The following LAMA2 variants were observed in gnomAD, a reference collection of about 807,000 sequenced individuals.
The protein encoded by LAMA2 is laminin subunit alpha 2, also known as laminin subunit alpha-2.
Under a neutral mutation model 364.8 loss-of-function variants are expected in LAMA2, and 269 were observed. That is an observed-to-expected ratio of 0.74 (90% CI 0.67 to 0.82). LAMA2 has a LOEUF of 0.82. LAMA2 is among the 40% of genes least tolerant of loss of function. The pLI is 0.00. For synonymous variants in LAMA2, 1,379 were observed against 1,370.6 expected (o/e 1.01, Z -0.14); for missense variants, 3,807 against 3,873.2 (o/e 0.98, Z 0.45).
chr6:129,136,760 A>G (rs1253201725), intron 4 of LAMA2, among the ~76,000 whole-genome samples: 1 of 152,230 alleles, frequency 6.6e-6, no homozygotes, highest in East Asian at 1.9e-4. Flanking sequence ...CAGGAATGAC[A>G]AGTGCAAGGA....
At chr6:129,136,056 G>A (rs974880309) in intron 4 of LAMA2, among the ~76,000 whole-genome samples, 1 of 151,988 alleles carries the variant, frequency 6.6e-6, no homozygotes. Flanking sequence ...AGGGAAGGGG[G>A]AAATTTGCAT....
chr6:129,381,980 A>T (rs1778716782), intron 34 of LAMA2, among the ~76,000 whole-genome samples: 1 of 152,216 alleles, frequency 6.6e-6, no homozygotes, highest in African/African-American at 2.4e-5. Context: ...AAAATGCAGT[A>T]CAATTCCTCT....
chr6:129,149,648 C>G (rs1778678013), intron 7 of LAMA2, among the ~76,000 whole-genome samples: 1 of 152,076 alleles, frequency 6.6e-6, no homozygotes, highest in Non-Finnish European at 1.5e-5. Context: ...CATAACACAC[C>G]TTAATCACAA....
chr6:129,305,469 C>T (rs547421462), intron 22 of LAMA2, among the ~76,000 whole-genome samples: 5 of 151,996 alleles, frequency 3.3e-5, no homozygotes, highest in East Asian at 1.9e-4. Flanking sequence ...GGACTACAGG[C>T]GCATGCCACC....
At chr6:129,072,760 C>A (rs1421399999) in intron 3 of LAMA2, among the ~76,000 whole-genome samples, 1 of 151,960 alleles carries the variant, frequency 6.6e-6, no homozygotes, top group African/African-American at 2.4e-5. Flanking sequence ...AATATGGTAA[C>A]TTGCGTCCTT....
chr6:129,069,126 A>G (rs764629624), intron 3 of LAMA2, among the ~76,000 whole-genome samples: 17 of 152,030 alleles, frequency 1.1e-4, no homozygotes, highest in Non-Finnish European at 1.9e-4. Flanking sequence ...AAAAAGAACA[A>G]TAATACATAG....
intron 1 of LAMA2, among the ~76,000 whole-genome samples, chr6:128,997,929 G>A (rs1019201540): frequency 2.6e-5 from 4 of 152,172 alleles, no homozygotes; most frequent in Non-Finnish European, 4.4e-5. Context: ...GTGATTTTAA[G>A]GATGGATCAT....
At chr6:128,916,934 G>A (rs1778354408) in intron 1 of LAMA2, among the ~76,000 whole-genome samples, 1 of 152,198 alleles carries the variant, frequency 6.6e-6, no homozygotes, top group Admixed American at 6.5e-5. Context: ...GTTTGGTGAA[G>A]TGGAAACTTT....
chr6:129,082,567 A>G (rs1774131963), intron 3 of LAMA2, among the ~76,000 whole-genome samples: 1 of 152,132 alleles, frequency 6.6e-6, no homozygotes, highest in Non-Finnish European at 1.5e-5. Flanking sequence ...CACATAAAGT[A>G]TATTATATTC....
At chr6:129,146,167 GT>G (rs1338123644) in intron 5 of LAMA2, among the ~76,000 whole-genome samples, 7 of 151,292 alleles carry the variant, frequency 4.6e-5, no homozygotes, top group African/African-American at 1.7e-4. Flanking sequence ...TGTTTTTTTT[GT>G]GTGTGTGTAT....
chr6:129,339,077 T>A (rs2451679), intron 29 of LAMA2, among the ~76,000 whole-genome samples: 1 of 148,640 alleles, frequency 6.7e-6, no homozygotes, highest in Non-Finnish European at 1.5e-5. Context: ...CAAGAGAAGG[T>A]CATGGTTTGA....
chr6:129,167,135 T>C (rs1311140546), intron 9 of LAMA2, among the ~76,000 whole-genome samples: 1 of 152,104 alleles, frequency 6.6e-6, no homozygotes, highest in Non-Finnish European at 1.5e-5. Flanking sequence ...AATTTAAAAA[T>C]ATTGAGCCTT....
chr6:129,066,001 A>G (rs959906257), intron 3 of LAMA2, among the ~76,000 whole-genome samples: 1 of 144,508 alleles, frequency 6.9e-6, no homozygotes, highest in African/African-American at 2.6e-5. Context: ...TATAAGTCCA[A>G]TTAAACCTCT....
intron 1 of LAMA2, among the ~76,000 whole-genome samples, chr6:128,957,499 C>T (rs1383067373): frequency 3.3e-5 from 5 of 152,100 alleles, no homozygotes; most frequent in Admixed American, 3.3e-4. Context: ...GTCTGTTCTA[C>T]AGCAGCTGCT....
intron 35 of LAMA2, among the ~76,000 whole-genome samples, chr6:129,385,843 T>C (rs1778985689): frequency 6.6e-6 from 1 of 152,204 alleles, no homozygotes; most frequent in African/African-American, 2.4e-5. Context: ...CTATTCTTAA[T>C]AAATTTACCC....
At chr6:129,496,218 G>C (rs10080661) in intron 58 of LAMA2, among the ~76,000 whole-genome samples, 404 of 152,298 alleles carry the variant, frequency 2.7e-3, no homozygotes, top group African/African-American at 9.3e-3. Flanking sequence ...CCAGGCTGGA[G>C]TGTAATGTCA....
At chr6:128,904,414 G>A (rs1031548310) in intron 1 of LAMA2, among the ~76,000 whole-genome samples, 1 of 149,654 alleles carries the variant, frequency 6.7e-6, no homozygotes, top group Admixed American at 6.7e-5. Context: ...ATATGTGGAG[G>A]TTGGATTTCC....
At chr6:129,376,895 C>T (rs1267073230) in intron 34 of LAMA2, among the ~76,000 whole-genome samples, 1 of 152,096 alleles carries the variant, frequency 6.6e-6, no homozygotes, top group African/African-American at 2.4e-5. Context: ...TCCAAATGGG[C>T]AAGAAACCTT....
At chr6:128,899,273 G>A (rs774125998) in intron 1 of LAMA2, among the ~76,000 whole-genome samples, 4 of 152,126 alleles carry the variant, frequency 2.6e-5, no homozygotes, top group Non-Finnish European at 5.9e-5. Flanking sequence ...CCTGTATGTA[G>A]TGAATCTGTC....
Sources: gnomAD v4.1 joint callset for allele counts (sites outside exome capture counted in the v4.1 genomes callset) on GRCh38, gnomAD v4.1.1 for gene constraint, MANE v1.5 for transcripts, NCBI Gene and HGNC (gene_info 2026-07-23, HGNC 2026-07-21) for gene names.